The following NLGN4Y variants were observed in gnomAD, a reference collection of about 807,000 sequenced individuals.
NLGN4Y encodes the protein neuroligin-4, Y-linked.
NLGN4Y carries 4 observed loss-of-function variants against 8.4 expected under a neutral mutation model. The ratio of observed to expected loss-of-function variants is 0.48; its 90% CI spans 0.23 to 1.09. The LOEUF (loss-of-function observed/expected upper bound fraction) is 1.09, where lower values mean the gene tolerates loss of function less well. Ranked by LOEUF, NLGN4Y falls within the 50% of genes least tolerant of loss-of-function variation. The pLI is 0.19. For missense variants in NLGN4Y, 90 were observed against 192.3 expected, an observed-to-expected ratio of 0.47 and a Z score of 3.15; for synonymous variants, 35 against 75.6, an observed-to-expected ratio of 0.46 and a Z score of 2.78.
intron 5 of NLGN4Y, among the ~76,000 whole-genome samples, chrY:14,824,849 C>T (rs2043138230): frequency 3.0e-5 from 1 of 32,815 alleles, no homozygotes; most frequent in Non-Finnish European, 7.5e-5. Context: ...AATTAGGTGT[C>T]GGTTACAATG....
At chrY:14,773,369 T>C (rs2081113426) in intron 4 of NLGN4Y, among the ~76,000 whole-genome samples, 1 of 32,923 alleles carries the variant, frequency 3.0e-5, no homozygotes. Flanking sequence ...AAAAGGGATG[T>C]GAAGGACCTC....
At chrY:14,752,767 A>G in intron 4 of NLGN4Y, among the ~76,000 whole-genome samples, 1 of 33,974 alleles carries the variant, frequency 2.9e-5, no homozygotes, top group Non-Finnish European at 7.3e-5. Flanking sequence ...TTCCTAGAAC[A>G]CACTCCTATC....
At chrY:14,812,445 G>A (rs1048319315) in intron 4 of NLGN4Y, among the ~76,000 whole-genome samples, 2 of 33,349 alleles carry the variant, frequency 6.0e-5, no homozygotes, top group African/African-American at 2.4e-4. Context: ...TAGAGGAGAG[G>A]TTGCTGATTT....
intron 4 of NLGN4Y, among the ~76,000 whole-genome samples, chrY:14,783,727 T>A (rs755860734): frequency 2.9e-5 from 1 of 34,015 alleles, no homozygotes; most frequent in African/African-American, 1.1e-4. Flanking sequence ...TATTTGAAAT[T>A]TCATACCCAC....
intron 1 of NLGN4Y, among the ~76,000 whole-genome samples, chrY:14,575,233 A>T: frequency 3.0e-5 from 1 of 33,272 alleles, no homozygotes; most frequent in Non-Finnish European, 7.4e-5. Context: ...CATCAATCAG[A>T]TGTAGATTTG....
intron 2 of NLGN4Y, among the ~76,000 whole-genome samples, chrY:14,718,121 A>G: frequency 3.0e-5 from 1 of 33,803 alleles, no homozygotes; most frequent in Non-Finnish European, 7.3e-5. Context: ...AAAAAGACAA[A>G]TCTTACAAAG....
intron 1 of NLGN4Y, among the ~76,000 whole-genome samples, chrY:14,612,036 T>C: frequency 3.0e-5 from 1 of 33,732 alleles, no homozygotes; most frequent in Non-Finnish European, 7.4e-5. Flanking sequence ...TTTTATTAAG[T>C]TGATCATCAA....
At chrY:14,589,890 G>T in intron 1 of NLGN4Y, among the ~76,000 whole-genome samples, 1 of 34,563 alleles carries the variant, frequency 2.9e-5, no homozygotes, top group Non-Finnish European at 7.3e-5. Context: ...TGGGTGGGAG[G>T]CTCAGACATG....
At chrY:14,779,889 G>A (rs2081140743) in intron 4 of NLGN4Y, among the ~76,000 whole-genome samples, 1 of 32,854 alleles carries the variant, frequency 3.0e-5, no homozygotes, top group African/African-American at 1.2e-4. Flanking sequence ...CCCATCCTTC[G>A]CACACTCACT....
At chrY:14,624,721 C>T (rs1009279978) in intron 2 of NLGN4Y, among the ~76,000 whole-genome samples, 4 of 32,821 alleles carry the variant, frequency 1.2e-4, no homozygotes, top group African/African-American at 3.6e-4. Context: ...TTTGTTTCCT[C>T]GGTTGTTTTT....
chrY:14,758,246 G>T, intron 4 of NLGN4Y, among the ~76,000 whole-genome samples: 1 of 33,185 alleles, frequency 3.0e-5, no homozygotes, highest in African/African-American at 1.2e-4. Flanking sequence ...TGAATTGGCT[G>T]CTGTATTTGC....
chrY:14,761,989 A>G (rs939862485), intron 4 of NLGN4Y, among the ~76,000 whole-genome samples: 2 of 32,626 alleles, frequency 6.1e-5, no homozygotes, highest in African/African-American at 1.2e-4. Context: ...TTGCCTCTAA[A>G]AAAACATAAA....
intron 2 of NLGN4Y, among the ~76,000 whole-genome samples, chrY:14,716,865 T>C (rs975743005): frequency 1.2e-4 from 4 of 34,086 alleles, no homozygotes; most frequent in Admixed American, 2.6e-4. Context: ...TATTTTTTAA[T>C]TGGCAAAAAT....
chrY:14,599,227 C>CAT (rs2080418287), intron 1 of NLGN4Y, among the ~76,000 whole-genome samples: 2 of 26,051 alleles, frequency 7.7e-5, no homozygotes, highest in Non-Finnish European at 1.8e-4. Context: ...TGTGTGTGTC[C>CAT]ATATATATAT....
chrY:14,585,674 C>T, intron 1 of NLGN4Y, among the ~76,000 whole-genome samples: 1 of 33,389 alleles, frequency 3.0e-5, no homozygotes, highest in Non-Finnish European at 7.4e-5. Context: ...CTGCTATTTA[C>T]TGCAATTTTT....
At chrY:14,648,501 G>T (rs2080618508) in intron 2 of NLGN4Y, among the ~76,000 whole-genome samples, 1 of 33,134 alleles carries the variant, frequency 3.0e-5, no homozygotes, top group Non-Finnish European at 7.4e-5. Context: ...TCAAAATTGT[G>T]TCTGATTTAG....
intron 1 of NLGN4Y, among the ~76,000 whole-genome samples, chrY:14,595,404 C>G: frequency 3.1e-5 from 1 of 32,748 alleles, no homozygotes; most frequent in South Asian, 7.1e-4. Context: ...AAATTGCAAG[C>G]TTTGCATAGT....
intron 1 of NLGN4Y, among the ~76,000 whole-genome samples, chrY:14,583,962 A>T: frequency 3.1e-5 from 1 of 32,713 alleles, no homozygotes; most frequent in African/African-American, 1.2e-4. Context: ...TTTATTCATT[A>T]CTTGTGAGCG....
At chrY:14,537,190 C>T in intron 1 of NLGN4Y, among the ~76,000 whole-genome samples, 1 of 33,402 alleles carries the variant, frequency 3.0e-5, no homozygotes, top group Non-Finnish European at 7.4e-5. Flanking sequence ...GAGTGAAAGA[C>T]TAAATCTCAG....
Sources: gnomAD v4.1 joint callset for allele counts (sites outside exome capture counted in the v4.1 genomes callset) on GRCh38, gnomAD v4.1.1 for gene constraint, MANE v1.5 for transcripts, NCBI Gene and HGNC (gene_info 2026-07-23, HGNC 2026-07-21) for gene names.